RBMS3: variants seen among roughly 807,000 people sequenced by gnomAD.
RBMS3 encodes RNA-binding motif, single-stranded-interacting protein 3.
Under a neutral mutation model 66.8 loss-of-function variants are expected in RBMS3, and 27 were observed. That is an observed-to-expected ratio of 0.40 (90% CI 0.30 to 0.56). The LOEUF is 0.56. Ranked by LOEUF, RBMS3 falls within the 20% of genes least tolerant of loss-of-function variation. RBMS3 has a pLI of 0.40. For missense variants in RBMS3, 513 were observed against 549.5 expected (o/e 0.93, Z 0.66); for synonymous variants, 188 against 183.0 (o/e 1.03, Z -0.22).
intron 1 of RBMS3, among the ~76,000 whole-genome samples, chr3:29,430,369 AT>A (rs2041135457): frequency 6.6e-6 from 1 of 152,026 alleles, no homozygotes; most frequent in African/African-American, 2.4e-5. Flanking sequence ...GCCTTTTTGT[AT>A]TTTGTTCAGA....
intron 3 of RBMS3, among the ~76,000 whole-genome samples, chr3:29,541,656 A>T (rs896274748): frequency 2.0e-5 from 3 of 152,094 alleles, no homozygotes; most frequent in African/African-American, 7.2e-5. Flanking sequence ...TGACAACCTA[A>T]GGGGTCATGT....
Position 29,964,885 on chromosome 3 carries a change from C to A in RBMS3, c.1098+20631C>A, listed in dbSNP as rs559815584. ...TCCTCACTCCCCTCCCACTCTTCCC[C>A]CTTTGTCCCCAAAGTCAATTATATC... On this transcript the variant is annotated intron_variant, in intron 12 of 14. Coordinates refer to ENST00000383767, the MANE Select transcript of RBMS3 (RefSeq NM_001003793.3). 7.9e-5 allele frequency among the ~76,000 whole-genome samples: 12 copies of A among 152,192 alleles called. No homozygotes were observed. The East Asian group carries it at 1.9e-3, about 24-fold the overall frequency.
At chr3:29,538,563 T>C (rs2045653831) in intron 3 of RBMS3, among the ~76,000 whole-genome samples, 1 of 152,116 alleles carries the variant, frequency 6.6e-6, no homozygotes, top group Non-Finnish European at 1.5e-5. Flanking sequence ...TAAGCAAGAG[T>C]TGCTTAGAAG....
At chr3:29,968,056 A>G (rs1053390808) in intron 12 of RBMS3, among the ~76,000 whole-genome samples, 10 of 152,106 alleles carry the variant, frequency 6.6e-5, no homozygotes, top group Admixed American at 1.3e-4. Flanking sequence ...AAGTGTGACC[A>G]TAGAATGTCA....
At chr3:29,889,750 A>G (rs1284934558) in intron 8 of RBMS3, among the ~76,000 whole-genome samples, 1 of 151,674 alleles carries the variant, frequency 6.6e-6, no homozygotes, top group East Asian at 1.9e-4. Context: ...GACAGGCACC[A>G]TATCTTATTC....
chr3:29,325,246 G>T (rs2035251164), intron 1 of RBMS3, among the ~76,000 whole-genome samples: 1 of 151,988 alleles, frequency 6.6e-6, no homozygotes, highest in Admixed American at 6.6e-5. Flanking sequence ...AGGCGGTGGT[G>T]GGAAATAAGA....
chr3:29,396,560 A>G (rs1255375654), intron 1 of RBMS3, among the ~76,000 whole-genome samples: 1 of 152,200 alleles, frequency 6.6e-6, no homozygotes, highest in African/African-American at 2.4e-5. Flanking sequence ...TATTAGGGAT[A>G]AAGAACCATG....
intron 12 of RBMS3, among the ~76,000 whole-genome samples, chr3:29,952,960 G>T (rs556660550): frequency 6.6e-6 from 1 of 151,822 alleles, no homozygotes; most frequent in Admixed American, 6.6e-5. Context: ...TGAGATACTT[G>T]TTCTGGAGGG....
At chr3:29,687,800 A>G (rs1487816419) in intron 4 of RBMS3, among the ~76,000 whole-genome samples, 1 of 152,194 alleles carries the variant, frequency 6.6e-6, no homozygotes, top group Non-Finnish European at 1.5e-5. Flanking sequence ...CTTGCTAGAC[A>G]TAAGTTACGA....
intron 6 of RBMS3, among the ~76,000 whole-genome samples, chr3:29,836,720 A>G (rs1307335051): frequency 6.6e-6 from 1 of 151,840 alleles, no homozygotes; most frequent in African/African-American, 2.4e-5. Flanking sequence ...AACACACACA[A>G]TAAAATGTAA....
intron 1 of RBMS3, among the ~76,000 whole-genome samples, chr3:29,427,725 G>A (rs991303548): frequency 6.6e-6 from 1 of 152,068 alleles, no homozygotes; most frequent in East Asian, 1.9e-4. Flanking sequence ...TATTGCATAG[G>A]AGGTGAATAA....
chr3:29,552,672 A>C (rs1221394269), intron 3 of RBMS3, among the ~76,000 whole-genome samples: 2 of 152,200 alleles, frequency 1.3e-5, no homozygotes, highest in Admixed American at 1.3e-4. Flanking sequence ...TGAAGAAAAG[A>C]AAATTAAAAA....
At chr3:29,988,268 T>G (rs773692381) in intron 13 of RBMS3, 45 bp downstream of exon 13, 2 of 1,500,066 alleles carry the variant, frequency 1.3e-6, no homozygotes, top group Non-Finnish European at 1.8e-6. Context: ...GAAATAAATC[T>G]CAGTCACATA....
intron 4 of RBMS3, among the ~76,000 whole-genome samples, chr3:29,612,839 T>C (rs1479130636): frequency 6.6e-6 from 1 of 152,172 alleles, no homozygotes; most frequent in Non-Finnish European, 1.5e-5. Flanking sequence ...TACAACTTCA[T>C]TAAAGTCGGA....
At chr3:29,788,558 T>C (rs1422495644) in intron 6 of RBMS3, among the ~76,000 whole-genome samples, 1 of 152,168 alleles carries the variant, frequency 6.6e-6, no homozygotes, top group African/African-American at 2.4e-5. Context: ...AGAAAAGCTG[T>C]CACATTACTT....
At chr3:29,321,306 A>T (rs999348200) in intron 1 of RBMS3, among the ~76,000 whole-genome samples, 5 of 152,170 alleles carry the variant, frequency 3.3e-5, no homozygotes, top group African/African-American at 1.2e-4. Context: ...GGTGAAAAAT[A>T]AAATACGACA....
At chr3:29,890,321 C>G (rs2059969958) in intron 8 of RBMS3, among the ~76,000 whole-genome samples, 3 of 151,568 alleles carry the variant, frequency 2.0e-5, no homozygotes, top group African/African-American at 7.3e-5. Flanking sequence ...ACTCAACATA[C>G]CAAGGAGCCT....
intron 3 of RBMS3, among the ~76,000 whole-genome samples, chr3:29,498,546 A>T (rs1242459152): frequency 6.6e-6 from 1 of 152,222 alleles, no homozygotes; most frequent in Non-Finnish European, 1.5e-5. Flanking sequence ...AATATAAAAA[A>T]GACACAGTTC....
chr3:29,679,796 G>T (rs2051412951), intron 4 of RBMS3, among the ~76,000 whole-genome samples: 1 of 140,772 alleles, frequency 7.1e-6, no homozygotes, highest in Admixed American at 6.8e-5. Context: ...ATTATACATA[G>T]TGTTATAAAT....
Sources: allele counts gnomAD v4.1 joint callset (sites outside exome capture counted in the v4.1 genomes callset), GRCh38; gene constraint gnomAD v4.1.1; transcripts MANE v1.5; gene names NCBI Gene and HGNC (gene_info 2026-07-23, HGNC 2026-07-21).